Variants in PTDSS1 observed in about 807,000 individuals in gnomAD.
The protein encoded by PTDSS1 is PSS-1.
In PTDSS1, 45 loss-of-function variants were observed where a neutral mutation model predicts 70.5. The observed-to-expected ratio is 0.64, with a 90% CI of 0.50 to 0.82. The LOEUF (loss-of-function observed/expected upper bound fraction) is 0.82, where lower values mean the gene tolerates loss of function less well. Ranked by LOEUF, PTDSS1 falls within the 40% of genes least tolerant of loss-of-function variation. PTDSS1 has a pLI of 0.00. For synonymous variants in PTDSS1, 188 were observed against 203.8 expected (o/e 0.92, Z 0.66); for missense variants, 417 against 586.1 (o/e 0.71, Z 2.98).
At position 96,330,301 on chromosome 8, in the gene PTDSS1, C is replaced by T; in HGVS notation, c.1242+20C>T. 6.3e-7 allele frequency: 1 copy of T among 1,596,090 alleles called. No homozygotes were observed. On this transcript the variant is annotated intron_variant, in intron 11 of 12. Coordinates refer to ENST00000517309, the MANE Select transcript of PTDSS1 (RefSeq NM_014754.3). ...GAAAAGGTATGGAAGGAGAGGCAGG[C>T]ATGGCCATTGTTTAAAATAATCACC...
intron 2 of PTDSS1, among the ~76,000 whole-genome samples, chr8:96,275,253 T>G (rs1810623991): frequency 6.6e-6 from 1 of 152,184 alleles, no homozygotes; most frequent in Non-Finnish European, 1.5e-5. Context: ...ACTCCTGGGC[T>G]CAGGCAATCC....
rs1170249076 is a variant in PTDSS1 at position 96,333,689 on chromosome 8, T to TC, written c.*123_*124insC. The stretch of plus-strand genomic sequence containing the variant: ...GCAAGCAGGAAGAGGCGAGGGCACT[T>TC]GGGGGTCATTATTTGAGATCGTAAG... On this transcript the variant is annotated 3_prime_UTR_variant, in exon 13 of 13. Coordinates refer to ENST00000517309, the MANE Select transcript of PTDSS1 (RefSeq NM_014754.3). The TC allele has an allele frequency of 1.1e-6, 1 of 887,540 alleles. No individual in the cohort carries two copies. Among genetic ancestry groups the TC allele is most frequent in the Non-Finnish European group, 1.9e-6 (1 of 538,308 alleles). 55.0% of individuals were successfully genotyped at this position (887,540 alleles called of 1,614,324 possible). A position where few individuals can be genotyped will look rare whatever the true frequency, so the allele number is the denominator to read the frequency against.
At chr8:96,307,802 T>G (rs1291562752) in intron 8 of PTDSS1, among the ~76,000 whole-genome samples, 1 of 152,226 alleles carries the variant, frequency 6.6e-6, no homozygotes, top group East Asian at 1.9e-4. Flanking sequence ...ATTTTCTTCT[T>G]AGAACAAAAT....
intron 2 of PTDSS1, 36 bp from the exon 3 acceptor site, chr8:96,284,073 A>G (rs940623639): frequency 3.9e-6 from 6 of 1,552,556 alleles, no homozygotes; most frequent in Non-Finnish European, 5.3e-6. Context: ...CTCTGAAACC[A>G]GTTCCTTCTA....
At chr8:96,333,272 C>G (rs1811543742) in intron 12 of PTDSS1, among the ~76,000 whole-genome samples, 185 bp from the exon 13 acceptor site, 1 of 152,146 alleles carries the variant, frequency 6.6e-6, no homozygotes, top group Non-Finnish European at 1.5e-5. Context: ...CGCGCCACCG[C>G]GTGTGCTCCT....
intron 12 of PTDSS1, among the ~76,000 whole-genome samples, chr8:96,332,706 A>G (rs1400663909): frequency 5.9e-5 from 9 of 152,226 alleles, no homozygotes; most frequent in South Asian, 2.1e-4. Context: ...AATAACAAAA[A>G]CAGAAGTCTT....
intron 4 of PTDSS1, 43 bp from the exon 5 acceptor site, chr8:96,295,055 T>A: frequency 6.5e-7 from 1 of 1,545,072 alleles, no homozygotes; most frequent in Non-Finnish European, 8.8e-7. Context: ...AGCAAGTTGA[T>A]TTCTAGAGTT....
intron 5 of PTDSS1, among the ~76,000 whole-genome samples, chr8:96,298,190 GA>G (rs1226735726): frequency 6.6e-6 from 1 of 152,202 alleles, no homozygotes; most frequent in Non-Finnish European, 1.5e-5. Flanking sequence ...CTGGGGTTAA[GA>G]ATGCAGCCAC....
chr8:96,279,796 G>A (rs1810708651), intron 2 of PTDSS1, among the ~76,000 whole-genome samples: 1 of 151,026 alleles, frequency 6.6e-6, no homozygotes, highest in South Asian at 2.1e-4. Flanking sequence ...TACAGCTTAG[G>A]CAACAGAGCA....
At chr8:96,263,933 G>A (rs570890606) in intron 1 of PTDSS1, among the ~76,000 whole-genome samples, 43 of 152,256 alleles carry the variant, frequency 2.8e-4, no homozygotes, top group Non-Finnish European at 5.1e-4. Flanking sequence ...CTTGGTTCTT[G>A]TTATGTAAGT....
rs937571939 is a variant in PTDSS1, at chr8:96,273,276, C to T, written c.180-23C>T. 4 of 1,536,506 alleles carry T rather than the reference C, an allele frequency of 2.6e-6. No individual in the cohort carries two copies. The African/African-American group carries it at 5.5e-5, about 21-fold the overall frequency. On this transcript the variant is annotated intron_variant, in intron 1 of 12. Coordinates refer to ENST00000517309, the MANE Select transcript of PTDSS1 (RefSeq NM_014754.3). ...CTATTTGGATCTGAAAGTAAATGCT[C>T]AATGTTGTTTTTCTATTTTCAGGGA...
intron 9 of PTDSS1, among the ~76,000 whole-genome samples, chr8:96,311,790 A>T (rs983528097): frequency 6.6e-6 from 1 of 152,338 alleles, no homozygotes; most frequent in African/African-American, 2.4e-5. Flanking sequence ...GAGAATTCAC[A>T]CATCTCCCAG....
intron 12 of PTDSS1, among the ~76,000 whole-genome samples, chr8:96,332,884 G>T (rs1000487143): frequency 6.6e-6 from 1 of 152,306 alleles, no homozygotes; most frequent in Admixed American, 6.5e-5. Flanking sequence ...GCCAGGCAGG[G>T]GCTGAACAAA....
chr8:96,305,262 C>T (rs997547309), intron 7 of PTDSS1, among the ~76,000 whole-genome samples: 8 of 152,188 alleles, frequency 5.3e-5, no homozygotes, highest in South Asian at 2.1e-4. Context: ...GTGAGCACTG[C>T]GCTGGGATCA....
chr8:96,313,147 T>C (rs905185994), intron 9 of PTDSS1, among the ~76,000 whole-genome samples: 2 of 152,224 alleles, frequency 1.3e-5, no homozygotes, highest in Non-Finnish European at 2.9e-5. Context: ...AGAGGGTACT[T>C]TCTCTTCTAT....
At chr8:96,273,882 G>T (rs181540653) in intron 2 of PTDSS1, among the ~76,000 whole-genome samples, 98 of 152,228 alleles carry the variant, frequency 6.4e-4, no homozygotes, top group Non-Finnish European at 1.3e-4. Context: ...TTTAGGATAT[G>T]AATTTTCATC....
At chr8:96,330,861 C>G (rs947454421) in intron 11 of PTDSS1, 165 bp from the exon 12 acceptor site, 2 of 592,572 alleles carry the variant, frequency 3.4e-6, no homozygotes, top group Non-Finnish European at 6.0e-6. Flanking sequence ...GAGGAAAGAA[C>G]CTTGTTTTTA....
intron 6 of PTDSS1, among the ~76,000 whole-genome samples, chr8:96,300,998 T>A (rs1811042171): frequency 6.6e-6 from 1 of 152,238 alleles, no homozygotes; most frequent in African/African-American, 2.4e-5. Context: ...TTATCACACA[T>A]AAAATTGTGT....
Position 96,304,184 on chromosome 8 carries a change from A to AT in PTDSS1, c.894+9dup. ...ACCTTTTCATGATCATCTGGCAGGTATTTTTTCAGATGCCCAGAAGTTGGG... is the reference window on the plus strand; with the variant it reads ...ACCTTTTCATGATCATCTGGCAGGTATTTTTTTCAGATGCCCAGAAGTTGGG... On this transcript the variant is annotated splice_donor_region_variant and intron_variant, in intron 7 of 12. Transcript: ENST00000517309. 1 of 1,593,446 alleles carries AT rather than the reference A, an allele frequency of 6.3e-7. No individual in the cohort carries two copies.
Sources: allele counts gnomAD v4.1 joint callset (sites outside exome capture counted in the v4.1 genomes callset), GRCh38; gene constraint gnomAD v4.1.1; transcripts MANE v1.5; gene names NCBI Gene and HGNC (gene_info 2026-07-23, HGNC 2026-07-21).